ADH1A: variants seen among roughly 807,000 people sequenced by gnomAD.
The protein encoded by ADH1A is alcohol dehydrogenase 1A (class I), alpha polypeptide.
A neutral mutation model predicts 35.2 loss-of-function variants in ADH1A; 29 were observed. The ratio of observed to expected loss-of-function variants is 0.82; its 90% confidence interval spans 0.61 to 1.12. The LOEUF (loss-of-function observed/expected upper bound fraction) is 1.12. ADH1A is among the 50% of genes most tolerant of loss of function. ADH1A has a pLI of 0.00. For synonymous variants in ADH1A, 147 were observed against 164.8 expected (o/e 0.89, Z 0.83); for missense variants, 469 against 464.7 (o/e 1.01, Z -0.09).
chr4:99,279,349 C>T, intron 8 of ADH1A, 77 bp downstream of exon 8: 1 of 1,504,880 alleles, frequency 6.6e-7, no homozygotes, highest in Non-Finnish European at 8.8e-7. Context: ...TCTCATCCTT[C>T]CACCTTTTCA....
chr4:99,279,455 T>C lies in ADH1A; in HGVS notation c.1074A>G (p.Glu358=). The C allele has an allele frequency of 6.2e-7, 1 of 1,607,890 alleles. No individual in the cohort carries two copies. The highest frequency in any genetic ancestry group is 1.1e-5 in the South Asian group (1 of 88,722). ...THVLPFEKIN[E]GFDLLHSGKS... ...TCCCAGAGTGAAGCAGGTCAAATCC[T>C]TCATTTATTTTTTCAAAAGGTAAAA... Residue 358 remains glutamate, a synonymous_variant, in exon 8 of 9, where the codon GAA becomes GAG. Transcript: ENST00000209668.
At chr4:99,284,341 C>A in intron 5 of ADH1A, 58 bp downstream of exon 5, 1 of 1,543,286 alleles carries the variant, frequency 6.5e-7, no homozygotes, top group Non-Finnish European at 8.9e-7. Context: ...ACATTCCTTC[C>A]CTTTGGGTTC....
intron 3 of ADH1A, chr4:99,286,636 A>G: frequency 1.5e-6 from 1 of 679,966 alleles, no homozygotes; most frequent in South Asian, 2.5e-5. Flanking sequence ...GCAGATGCTC[A>G]GTACATAATT....
In ADH1A at chr4:99,280,163, C is replaced by G. The variant is rs1375318545; in HGVS notation, c.945G>C (p.Trp315Cys). 3 of 1,613,820 alleles carry G rather than the reference C, an allele frequency of 1.9e-6. No homozygotes were observed. The highest frequency in any genetic ancestry group is 2.5e-6 in the Non-Finnish European group (3 of 1,179,796). The change falls in exon 7 of 9, where the codon TGG becomes TGC. Residue 315 changes from tryptophan (W) to cysteine (C), a missense_variant. Physicochemically the swap from Trp to Cys is radical, Grantham distance 215. Transcript: ENST00000209668. The stretch of plus-strand genomic sequence containing the variant: ...ACATACCACCAAGAATAGCTCCCTT[C>G]CAGGTACGTCCAGTCAGTAGCAGCA... ...NPMLLLTGRT[W>C]KGAILGGFKS...
At chr4:99,281,776 G>A (rs1733008449) in intron 6 of ADH1A, 2 of 172,978 alleles carry the variant, frequency 1.2e-5, no homozygotes, top group East Asian at 3.3e-4. Flanking sequence ...AGTCCTACTA[G>A]TATTGGGCTC....
At chr4:99,283,678 G>C (rs1292070841) in intron 5 of ADH1A, among the ~76,000 whole-genome samples, 2 of 152,096 alleles carry the variant, frequency 1.3e-5, no homozygotes, top group Non-Finnish European at 2.9e-5. Flanking sequence ...GTGAGACTTT[G>C]GGCAAATATC....
chr4:99,280,087 A>G (rs1732962235), intron 7 of ADH1A, 57 bp downstream of exon 7: 3 of 1,607,334 alleles, frequency 1.9e-6, no homozygotes, highest in East Asian at 2.2e-5. Context: ...TGTCACTTGT[A>G]AAAGGGGAGA....
rs28364309 is a variant in ADH1A at position 99,284,963 on chromosome 4, C to T, written c.260-160G>A. On this transcript the variant is annotated intron_variant, in intron 3 of 8. Transcript: ENST00000209668. ...AAATATGTCATTTGTCATTGCCTGCCACAGCCTTGTTTCCAGTTTGGGTTT... is the reference window on the plus strand; with the variant it reads ...AAATATGTCATTTGTCATTGCCTGCTACAGCCTTGTTTCCAGTTTGGGTTT... Among the ~76,000 whole-genome samples the T allele has an allele frequency of 1.1e-3, 173 of 152,290 alleles. 1 individual carries two copies. The highest frequency in any genetic ancestry group is 4.0e-3 in the African/African-American group (167 of 41,574).
Position 99,282,365 on chromosome 4 carries a change from A to T in ADH1A, c.809T>A (p.Ile270Asn). Residue 270 changes from isoleucine (I) to asparagine (N), a missense_variant, in exon 6 of 9, where the codon ATC becomes AAC. Transcript: ENST00000209668. ...DGGVDFSFEV[I>N]GRLDTMMASL... Reference sequence around the variant, plus strand: ...ACATACCATGGTGTCAAGCCGACCGATGACTTCAAATGAAAAATCCACACC... The same window carrying T: ...ACATACCATGGTGTCAAGCCGACCGTTGACTTCAAATGAAAAATCCACACC... 3 of 1,614,180 alleles carry T rather than the reference A, an allele frequency of 1.9e-6. No homozygotes were observed. Among genetic ancestry groups the T allele is most frequent in the Non-Finnish European group, 2.5e-6 (3 of 1,180,004 alleles).
chr4:99,279,410 T>G lies in ADH1A; in HGVS notation c.1103+16A>C, dbSNP rs764694595. The G allele has an allele frequency of 1.9e-6, 3 of 1,583,364 alleles. No homozygotes were observed. The highest frequency in any genetic ancestry group is 2.6e-6 in the Non-Finnish European group (3 of 1,171,430). On this transcript the variant is annotated intron_variant, in intron 8 of 8. Transcript: ENST00000209668. The stretch of plus-strand genomic sequence containing the variant: ...TAGAAAAAAAAGCAAAACAGAAAAC[T>G]AACTAAAAAATCTACCTTTTCCCAG...
In ADH1A at chr4:99,279,685, G is replaced by T. The variant is rs566332710; in HGVS notation, c.965-121C>A. The stretch of plus-strand genomic sequence containing the variant: ...CTGCTTCCAGACTGCAACGACTGAG[G>T]TTAATAAGAGATACAGTACCTCAAT... On this transcript the variant is annotated intron_variant, in intron 7 of 8. Coordinates refer to ENST00000209668, the MANE Select transcript of ADH1A (RefSeq NM_000667.4). The T allele has an allele frequency of 1.3e-5, 16 of 1,212,272 alleles. No individual in the cohort carries two copies. The African/African-American group carries it at 1.7e-4, about 13-fold the overall frequency. 75.1% of individuals were successfully genotyped at this position (1,212,272 alleles called of 1,614,324 possible). A position where few individuals can be genotyped will look rare whatever the true frequency, so the allele number is the denominator to read the frequency against.
rs1327388268 is a variant in ADH1A at position 99,276,655 on chromosome 4, T to C, written c.1104-7A>G. The C allele has an allele frequency of 6.2e-7, 1 of 1,611,096 alleles. No homozygotes were observed. Among genetic ancestry groups the C allele is most frequent in the South Asian group, 1.1e-5 (1 of 91,018 alleles). ...CATCAGAATGGTACGGATACTGCAA[T>C]AGGAAAGAAGAGACATTGTATTAGC... is the stretch of plus-strand genomic sequence containing the variant. On this transcript the variant is annotated splice_region_variant and splice_polypyrimidine_tract_variant and intron_variant, in intron 8 of 8. Transcript: ENST00000209668.
intron 8 of ADH1A, 138 bp downstream of exon 8, chr4:99,279,288 C>A: frequency 8.6e-7 from 1 of 1,164,478 alleles, no homozygotes; most frequent in East Asian, 2.8e-5. Context: ...CTTACAAGCT[C>A]TCCATGTAAA....
At chr4:99,277,271 G>T (rs184667992) in intron 8 of ADH1A, among the ~76,000 whole-genome samples, 1 of 151,984 alleles carries the variant, frequency 6.6e-6, no homozygotes, top group Non-Finnish European at 1.5e-5. Flanking sequence ...CTTTGATACA[G>T]ATATGTTTAA....
At chr4:99,282,693 C>A (rs932941928) in intron 5 of ADH1A, 87 bp from the exon 6 acceptor site, 2 of 1,525,160 alleles carry the variant, frequency 1.3e-6, no homozygotes, top group African/African-American at 2.8e-5. Flanking sequence ...TCAAACTCTT[C>A]TGTTCAATCT....
At chr4:99,288,423 T>C (rs1733211034) in intron 1 of ADH1A, among the ~76,000 whole-genome samples, 1 of 152,088 alleles carries the variant, frequency 6.6e-6, no homozygotes, top group African/African-American at 2.4e-5. Context: ...CACTGTGTGT[T>C]TGAATTTCTA....
chr4:99,284,606 A>T lies in ADH1A; in HGVS notation c.360T>A (p.Pro120=). 1.2e-6 allele frequency: 2 copies of T among 1,614,236 alleles called. No individual in the cohort carries two copies. Among genetic ancestry groups the T allele is most frequent in the South Asian group, 2.2e-5 (2 of 91,090 alleles). Residue 120 remains proline (P), a synonymous_variant, in exon 5 of 9, where the codon CCT becomes CCA. Coordinates refer to ENST00000209668, the MANE Select transcript of ADH1A (RefSeq NM_000667.4). ...NYCLKNDVSN[P]QGTLQDGTSR... ...TGGTGCCATCCTGCAGGGTCCCCTG[A>T]GGATTGCTTACACTGGACAGTGCAA...
At chr4:99,282,203 A>C in intron 6 of ADH1A, 143 bp downstream of exon 6, 1 of 1,503,990 alleles carries the variant, frequency 6.6e-7, no homozygotes, top group Non-Finnish European at 9.2e-7. Context: ...CAATAAATTA[A>C]ACAAGCCAGG....
Position 99,286,845 on chromosome 4 carries a change from T to C in ADH1A, c.259+5A>G. On this transcript the variant is annotated splice_donor_5th_base_variant and intron_variant, in intron 3 of 8. Coordinates refer to ENST00000209668, the MANE Select transcript of ADH1A (RefSeq NM_000667.4). ...CATCATGTTTCCTGAATGTGAATCCTGTACCTGGTTTGACTGTAGTCACCC... is the reference window on the plus strand; with the variant it reads ...CATCATGTTTCCTGAATGTGAATCCCGTACCTGGTTTGACTGTAGTCACCC... The C allele has an allele frequency of 6.2e-7, 1 of 1,613,512 alleles. No homozygotes were observed. Among genetic ancestry groups the C allele is most frequent in the Non-Finnish European group, 8.5e-7 (1 of 1,179,766 alleles).
Sources: gnomAD v4.1 joint callset for allele counts (sites outside exome capture counted in the v4.1 genomes callset) on GRCh38, gnomAD v4.1.1 for gene constraint, MANE v1.5 for transcripts, NCBI Gene and HGNC (gene_info 2026-07-23, HGNC 2026-07-21) for gene names.